ARID1B: variants seen among roughly 807,000 people sequenced by gnomAD.
The protein encoded by ARID1B is AT-rich interactive domain-containing protein 1B.
ARID1B carries 30 observed loss-of-function variants against 212.3 expected under a neutral mutation model. The observed-to-expected ratio is 0.14, with a 90% CI of 0.11 to 0.19. The LOEUF is 0.19. Among genes scored for constraint, ARID1B ranks in the 10% least tolerant of loss-of-function variants. The pLI is 1.00. For synonymous variants in ARID1B, 1,402 were observed against 1,301.7 expected (o/e 1.08, Z -1.66); for missense variants, 2,891 against 3,204.0 (o/e 0.90, Z 2.36).
intron 3 of ARID1B, among the ~76,000 whole-genome samples, chr6:156,905,156 G>A (rs1442779886): frequency 6.6e-6 from 1 of 151,866 alleles, no homozygotes; most frequent in African/African-American, 2.4e-5. Flanking sequence ...TAGGGAGACT[G>A]GGCCTTTGTC....
chr6:156,950,305 C>A (rs770566385), intron 4 of ARID1B, among the ~76,000 whole-genome samples: 1 of 152,156 alleles, frequency 6.6e-6, no homozygotes, highest in Non-Finnish European at 1.5e-5. Context: ...GGTACAAACA[C>A]CATATAACCG....
chr6:156,976,775 A>G, intron 4 of ARID1B: 1 of 542,946 alleles, frequency 1.8e-6, no homozygotes, highest in Non-Finnish European at 3.6e-6. Flanking sequence ...AAAGTTAGCG[A>G]GACCACAAAC....
intron 2 of ARID1B, among the ~76,000 whole-genome samples, chr6:156,874,567 C>G (rs1160847657): frequency 6.6e-6 from 1 of 152,206 alleles, no homozygotes; most frequent in Admixed American, 6.5e-5. Flanking sequence ...GCAGGTGCAT[C>G]TGCAGTCCCC....
At chr6:156,874,591 C>G (rs1003463336) in intron 2 of ARID1B, among the ~76,000 whole-genome samples, 21 of 152,172 alleles carry the variant, frequency 1.4e-4, no homozygotes, top group African/African-American at 4.8e-4. Context: ...TCAGTGTGGC[C>G]TCTCTTTTGC....
intron 2 of ARID1B, among the ~76,000 whole-genome samples, chr6:156,872,482 C>T (rs1038341808): frequency 3.3e-5 from 5 of 152,026 alleles, no homozygotes; most frequent in Admixed American, 2.0e-4. Flanking sequence ...CCACCACGCC[C>T]AGTTAATTTT....
intron 1 of ARID1B, among the ~76,000 whole-genome samples, chr6:156,821,701 G>A (rs1471463612): frequency 6.6e-6 from 1 of 152,184 alleles, no homozygotes; most frequent in Non-Finnish European, 1.5e-5. Flanking sequence ...GGCATATGTT[G>A]TTATTATTTG....
In ARID1B at chr6:157,084,873, G is replaced by A. The variant is rs764402992; in HGVS notation, c.2459G>A (p.Arg820Gln). 7 of 1,614,014 alleles carry A rather than the reference G, an allele frequency of 4.3e-6. No individual in the cohort carries two copies. The highest frequency in any genetic ancestry group is 2.2e-5 in the East Asian group (1 of 44,886). Residue 820 changes from arginine (R) to glutamine (Q), a missense_variant, in exon 5 of 20, where the codon CGA becomes CAA. Coordinates refer to ENST00000636930, the MANE Select transcript of ARID1B (RefSeq NM_001374828.1). ...VGSPVGSNQS[R>Q]SGPISPASIP... Reference sequence around the variant, plus strand: ...TCTCCTGTAGGAAGCAACCAGTCTCGATCTGGCCCAATCTCTCCTGCAAGT... The same window carrying A: ...TCTCCTGTAGGAAGCAACCAGTCTCAATCTGGCCCAATCTCTCCTGCAAGT...
At chr6:156,824,766 G>A (rs12210674) in intron 1 of ARID1B, among the ~76,000 whole-genome samples, 96,973 of 150,898 alleles carry the variant, frequency 0.64, 31,353 homozygotes, top group African/African-American at 0.7. Flanking sequence ...CCCTGTCTCA[G>A]AAAACAAAAC....
At chr6:156,933,127 A>G (rs1259307469) in intron 3 of ARID1B, among the ~76,000 whole-genome samples, 1 of 152,214 alleles carries the variant, frequency 6.6e-6, no homozygotes, top group African/African-American at 2.4e-5. Context: ...GATCTTTTTC[A>G]GCCTCTTTAG....
At chr6:157,028,385 T>C (rs1208106919) in intron 4 of ARID1B, among the ~76,000 whole-genome samples, 2 of 152,206 alleles carry the variant, frequency 1.3e-5, no homozygotes, top group East Asian at 3.8e-4. Context: ...GTAGAAATAA[T>C]AATGTAATGA....
At chr6:157,113,804 T>C (rs1787117686) in intron 6 of ARID1B, among the ~76,000 whole-genome samples, 1 of 152,252 alleles carries the variant, frequency 6.6e-6, no homozygotes. Context: ...TATTTTAAAA[T>C]GACTGTTACG....
rs1212358341 is a variant in ARID1B, at chr6:157,207,897, G to T, written c.*6G>T. 1 of 1,482,098 alleles carries T rather than the reference G, an allele frequency of 6.7e-7. No homozygotes were observed. Among genetic ancestry groups the T allele is most frequent in the Non-Finnish European group, 9.0e-7 (1 of 1,113,216 alleles). 91.8% of individuals were successfully genotyped at this position (1,482,098 alleles called of 1,614,324 possible). ...TTCAGATTGGGCAGTTATGACATAA[G>T]TGAGAAGGCAAGCATGTGTGAGTGA... On this transcript the variant is annotated 3_prime_UTR_variant, in exon 20 of 20. Coordinates refer to ENST00000636930, the MANE Select transcript of ARID1B (RefSeq NM_001374828.1). The surrounding 1 kb of genome is among the most constrained non-coding windows in gnomAD (Gnocchi z 8.5).
chr6:156,830,499 C>T (rs1398542681), intron 2 of ARID1B, among the ~76,000 whole-genome samples: 1 of 152,238 alleles, frequency 6.6e-6, no homozygotes, highest in Non-Finnish European at 1.5e-5. Context: ...TGTATATTAA[C>T]AGTTCATCAG....
At chr6:157,186,565 G>C (rs757400468) in intron 13 of ARID1B, 3 of 469,752 alleles carry the variant, frequency 6.4e-6, no homozygotes, top group Non-Finnish European at 1.3e-5. Context: ...CCATCATTAG[G>C]GAAAGTGTCT....
intron 4 of ARID1B, among the ~76,000 whole-genome samples, chr6:157,049,260 C>T (rs780851264): frequency 3.3e-5 from 5 of 152,102 alleles, no homozygotes; most frequent in African/African-American, 7.2e-5. Context: ...GATTCTAGAC[C>T]GTGGCCAAGG....
intron 8 of ARID1B, among the ~76,000 whole-genome samples, chr6:157,159,435 A>G (rs1790782847): frequency 6.6e-6 from 1 of 152,190 alleles, no homozygotes. Context: ...AAGATCAGTG[A>G]GCTGCTTTAG....
intron 4 of ARID1B, chr6:156,936,379 T>G (rs1311699088): frequency 1.3e-5 from 2 of 151,258 alleles, no homozygotes; most frequent in Non-Finnish European, 2.9e-5. Context: ...AGCTGTTTAT[T>G]TCCACCAATA....
chr6:156,922,419 C>G (rs144894821), intron 3 of ARID1B, among the ~76,000 whole-genome samples: 1 of 152,068 alleles, frequency 6.6e-6, no homozygotes, highest in Non-Finnish European at 1.5e-5. Context: ...GTGATCCGCC[C>G]GCCTCGGCCT....
chr6:156,854,361 T>G (rs142694966), intron 2 of ARID1B, among the ~76,000 whole-genome samples: 122 of 152,336 alleles, frequency 8.0e-4, no homozygotes, highest in African/African-American at 2.9e-3. Flanking sequence ...TTGGGGACTT[T>G]CTGTGGAATT....
Sources: allele counts gnomAD v4.1 joint callset (sites outside exome capture counted in the v4.1 genomes callset), GRCh38; gene constraint gnomAD v4.1.1; non-coding constraint Gnocchi (gnomAD v3.1); transcripts MANE v1.5; gene names NCBI Gene and HGNC (gene_info 2026-07-23, HGNC 2026-07-21).